Variants in PRUNE2 observed in about 807,000 individuals in gnomAD.
PRUNE2 encodes protein prune homolog 2.
Under a neutral mutation model 252.0 loss-of-function variants are expected in PRUNE2, and 164 were observed. The ratio of observed to expected loss-of-function variants is 0.65; its 90% confidence interval spans 0.57 to 0.74. The LOEUF is 0.74. Ranked by LOEUF, PRUNE2 falls within the 30% of genes least tolerant of loss-of-function variation. PRUNE2 has a pLI of 0.00. For synonymous variants in PRUNE2, 1,292 were observed against 1,350.2 expected, an observed-to-expected ratio of 0.96 and a Z score of 0.94; for missense variants, 3,495 against 3,711.0, an observed-to-expected ratio of 0.94 and a Z score of 1.51.
chr9:76,884,275 G>C (rs913690799), intron 1 of PRUNE2, among the ~76,000 whole-genome samples: 1 of 152,098 alleles, frequency 6.6e-6, no homozygotes, highest in South Asian at 2.1e-4. Context: ...CAACATAATC[G>C]GGTGGGGGCT....
chr9:76,877,188 G>T lies in PRUNE2; in HGVS notation c.37-22980C>A, dbSNP rs115858956. On this transcript the variant is annotated intron_variant, in intron 1 of 18. Coordinates refer to ENST00000376718, the MANE Select transcript of PRUNE2 (RefSeq NM_015225.3). ...CAGGAAGATGTGCATTTTAAAAGAG[G>T]ACCTATACATTTTTCATTAAAAAAA... Among the ~76,000 whole-genome samples the T allele has an allele frequency of 2.6e-3, 391 of 151,304 alleles. 4 individuals carry two copies. The highest frequency in any genetic ancestry group is 9.2e-3 in the African/African-American group (376 of 40,892).
intron 6 of PRUNE2, among the ~76,000 whole-genome samples, chr9:76,740,681 C>T (rs1336072253): frequency 2.6e-5 from 4 of 151,894 alleles, no homozygotes; most frequent in Non-Finnish European, 5.9e-5. Context: ...AGAATAAGAA[C>T]CCTTTATATT....
At chr9:76,648,431 A>G (rs547597025) in intron 11 of PRUNE2, among the ~76,000 whole-genome samples, 9 of 152,354 alleles carry the variant, frequency 5.9e-5, no homozygotes, top group African/African-American at 1.9e-4. Flanking sequence ...GTCCTTCAGT[A>G]GGTGAATGGA....
intron 4 of PRUNE2, among the ~76,000 whole-genome samples, chr9:76,829,364 A>C (rs1275197506): frequency 6.6e-6 from 1 of 152,212 alleles, no homozygotes; most frequent in Non-Finnish European, 1.5e-5. Context: ...GACAAAAACT[A>C]AAGTTTAGGG....
At chr9:76,742,273 A>C (rs949346818) in intron 6 of PRUNE2, among the ~76,000 whole-genome samples, 1 of 152,216 alleles carries the variant, frequency 6.6e-6, no homozygotes, top group African/African-American at 2.4e-5. Context: ...TACTTATGAT[A>C]AACAAATATT....
chr9:76,679,758 C>T (rs1434114373), intron 9 of PRUNE2, among the ~76,000 whole-genome samples: 3 of 152,166 alleles, frequency 2.0e-5, no homozygotes, highest in East Asian at 3.8e-4. Flanking sequence ...TTGCTGAGAC[C>T]ATTTAATGGG....
In PRUNE2 at chr9:76,846,634, G is replaced by A. The variant is rs759877968; in HGVS notation, c.389C>T (p.Pro130Leu). 2.6e-5 allele frequency: 42 copies of A among 1,613,910 alleles called. 1 individual carries two copies. The Middle Eastern group carries it at 6.6e-4, about 25-fold the overall frequency. ...AACGTTGGCATCGCTCTGCTCAACC[G>A]GATTAATGACTTTGACAACTGCTGA... is the stretch of plus-strand genomic sequence containing the variant. ...LESAVVKVIN[P>L]VEQSDANVEF... is the part of the protein sequence containing the mutation. Residue 130 changes from proline to leucine, a missense_variant, in exon 4 of 19, where the codon CCG becomes CTG. Physicochemically the swap from Pro to Leu is moderately conservative, Grantham distance 98. Coordinates refer to ENST00000376718, the MANE Select transcript of PRUNE2 (RefSeq NM_015225.3).
chr9:76,624,234 C>T (rs1328657401), intron 17 of PRUNE2, among the ~76,000 whole-genome samples: 1 of 152,024 alleles, frequency 6.6e-6, no homozygotes. Flanking sequence ...ACAACAACAA[C>T]AGTGACAAAT....
intron 6 of PRUNE2, among the ~76,000 whole-genome samples, chr9:76,741,398 G>A (rs1386205206): frequency 6.6e-6 from 1 of 152,178 alleles, no homozygotes; most frequent in African/African-American, 2.4e-5. Flanking sequence ...AGCCCAGAAA[G>A]CATATCTAGG....
intron 3 of PRUNE2, among the ~76,000 whole-genome samples, chr9:76,848,778 A>G (rs191812149): frequency 6.6e-6 from 1 of 152,346 alleles, no homozygotes; most frequent in Admixed American, 6.5e-5. Context: ...AGGCACCTGT[A>G]GATTCTTGCA....
Position 76,629,263 on chromosome 9 carries a change from A to G in PRUNE2, c.9078T>C (p.Tyr3026=), listed in dbSNP as rs530322286. 3.1e-6 allele frequency: 5 copies of G among 1,588,030 alleles called. No homozygotes were observed. In the South Asian group the frequency reaches 4.6e-5, roughly 15 times the overall value. The change falls in exon 16 of 19, where the codon TAT becomes TAC. Residue 3026 remains tyrosine (Y), a synonymous_variant. Transcript: ENST00000376718. The part of the protein sequence containing the change: ...ISSKFSSKIK[Y]VNSLSELSGL... ...CACTGAGTTCTGATAAGCTATTGAC[A>G]TATTTAATTTTACTGCTGAATTTTG...
At chr9:76,701,601 A>T (rs1005023262) in intron 9 of PRUNE2, among the ~76,000 whole-genome samples, 8 of 152,164 alleles carry the variant, frequency 5.3e-5, no homozygotes, top group African/African-American at 1.9e-4. Flanking sequence ...TCTTTCTGAT[A>T]ACGGATCTGG....
intron 6 of PRUNE2, among the ~76,000 whole-genome samples, chr9:76,774,462 T>TTTTTA (rs2053510632): frequency 9.6e-6 from 1 of 104,252 alleles, no homozygotes; most frequent in Non-Finnish European, 2.2e-5. Flanking sequence ...TTTTTTTTTT[T>TTTTTA]TTTTTTTTTT....
At chr9:76,897,390 C>CTTTTTT (rs55702049) in intron 1 of PRUNE2, among the ~76,000 whole-genome samples, 1 of 56,254 alleles carries the variant, frequency 1.8e-5, no homozygotes, top group Non-Finnish European at 3.6e-5. Context: ...AGGCAAACCT[C>CTTTTTT]TTTTTTTTTT....
intron 6 of PRUNE2, among the ~76,000 whole-genome samples, chr9:76,727,685 C>T (rs182923754): frequency 0.011 from 941 of 88,650 alleles, 14 homozygotes; most frequent in African/African-American, 0.034. Flanking sequence ...TACTATTATT[C>T]CAACTTAGTT....
intron 1 of PRUNE2, among the ~76,000 whole-genome samples, chr9:76,872,984 G>A (rs969326570): frequency 5.3e-5 from 8 of 152,038 alleles, no homozygotes; most frequent in African/African-American, 1.7e-4. Flanking sequence ...TTATGAAAAG[G>A]GGAAATTTAA....
chr9:76,903,444 C>T (rs917812505), intron 1 of PRUNE2, among the ~76,000 whole-genome samples: 1 of 151,304 alleles, frequency 6.6e-6, no homozygotes, highest in Non-Finnish European at 1.5e-5. Context: ...AGCTAAACTT[C>T]TAAAGAAAAA....
intron 17 of PRUNE2, among the ~76,000 whole-genome samples, chr9:76,621,129 C>G (rs1832121413): frequency 6.6e-6 from 1 of 152,016 alleles, no homozygotes; most frequent in African/African-American, 2.4e-5. Context: ...AAACAGTGGA[C>G]AGATAGGTTT....
intron 6 of PRUNE2, among the ~76,000 whole-genome samples, chr9:76,792,158 G>A (rs1438837494): frequency 1.3e-5 from 2 of 151,716 alleles, no homozygotes; most frequent in Admixed American, 1.3e-4. Context: ...TGGTGGGAGG[G>A]GCCTGGTGGG....
Sources: allele counts gnomAD v4.1 joint callset (sites outside exome capture counted in the v4.1 genomes callset), GRCh38; gene constraint gnomAD v4.1.1; transcripts MANE v1.5; gene names NCBI Gene and HGNC (gene_info 2026-07-23, HGNC 2026-07-21).